Variants in INPP5F observed in about 807,000 individuals in gnomAD.
The protein encoded by INPP5F is phosphatidylinositide 4-phosphatase SAC2.
In INPP5F, 97 loss-of-function variants were observed where a neutral mutation model predicts 137.2. The observed-to-expected ratio is 0.71, with a 90% confidence interval of 0.60 to 0.84. The LOEUF (loss-of-function observed/expected upper bound fraction) is 0.84. INPP5F is among the 40% of genes least tolerant of loss of function. INPP5F has a pLI of 0.00. For missense variants in INPP5F, 1,271 were observed against 1,371.9 expected, an observed-to-expected ratio of 0.93 and a Z score of 1.16; for synonymous variants, 504 against 476.9, an observed-to-expected ratio of 1.06 and a Z score of -0.74.
intron 1 of INPP5F, among the ~76,000 whole-genome samples, chr10:119,735,559 C>T (rs939033453): frequency 2.6e-5 from 4 of 152,166 alleles, no homozygotes; most frequent in African/African-American, 9.7e-5. Flanking sequence ...TTCACAGTAT[C>T]ATTATATATT....
rs71019717 is a variant in INPP5F, at chr10:119,785,286, G to GTTTTTTTTTTTTTTTTTT, written c.315+3531_315+3532insTTTTTTTTTTTTTTTTTT. ...TAACCTTTTGTGGAACTGCCAGACT[G>GTTTTTTTTTTTTTTTTTT]TTTTTTTTTTTTTTTTGGAGACGGA... is the stretch of plus-strand genomic sequence containing the variant. On this transcript the variant is annotated intron_variant, in intron 3 of 19. Coordinates refer to ENST00000650623, the MANE Select transcript of INPP5F (RefSeq NM_014937.4). 1.8e-3 allele frequency among the ~76,000 whole-genome samples: 193 copies of GTTTTTTTTTTTTTTTTTT among 106,206 alleles called. 14 individuals are homozygous for GTTTTTTTTTTTTTTTTTT. Among genetic ancestry groups the GTTTTTTTTTTTTTTTTTT allele is most frequent in the Non-Finnish European group, 2.2e-3 (119 of 53,662 alleles). 69.7% of individuals were successfully genotyped at this position (106,206 alleles called of 152,430 possible). A position where few individuals can be genotyped will look rare whatever the true frequency, so the allele number is the denominator to read the frequency against.
chr10:119,781,349 T>G (rs779908139), intron 2 of INPP5F, among the ~76,000 whole-genome samples: 4 of 152,226 alleles, frequency 2.6e-5, no homozygotes, highest in Non-Finnish European at 5.9e-5. Flanking sequence ...TTTCTCACAG[T>G]CTCGCCAGCA....
At position 119,826,848 on chromosome 10, in the gene INPP5F, A is replaced by G; in HGVS notation, c.2467A>G (p.Asn823Asp). ...CTTTCTAAAACCAAACTTAAAAGTA[A>G]ATCTTTGGAAATCAGATAGTAGTCT... ...VNFLKPNLKV[N>D]LWKSDSSLET... The change falls in exon 20 of 20, where the codon AAT (asparagine) becomes GAT (aspartate). Residue 823 changes from asparagine to aspartate, a missense_variant. Asn to Asp is a conservative substitution (Grantham distance 23). Coordinates refer to ENST00000650623, the MANE Select transcript of INPP5F (RefSeq NM_014937.4). 2 of 1,613,860 alleles carry G rather than the reference A, an allele frequency of 1.2e-6. No homozygotes were observed. Among genetic ancestry groups the G allele is most frequent in the Non-Finnish European group, 1.7e-6 (2 of 1,179,900 alleles).
chr10:119,812,882 A>T (rs17099313), intron 15 of INPP5F, among the ~76,000 whole-genome samples: 7,623 of 151,734 alleles, frequency 0.05, 317 homozygotes, highest in South Asian at 0.26. Context: ...CTTCACTTGT[A>T]TTTTTAGTGG....
intron 1 of INPP5F, among the ~76,000 whole-genome samples, chr10:119,744,070 G>A (rs188809034): frequency 1.3e-5 from 2 of 152,254 alleles, no homozygotes; most frequent in African/African-American, 4.8e-5. Context: ...AGAAACAAAA[G>A]TTTCATTAAA....
intron 1 of INPP5F, among the ~76,000 whole-genome samples, chr10:119,749,492 T>G (rs1302142551): frequency 1.3e-5 from 2 of 152,224 alleles, no homozygotes; most frequent in Admixed American, 6.5e-5. Flanking sequence ...TTTCTTTGAT[T>G]TTATAGTACA....
In INPP5F at chr10:119,805,475, A is replaced by G. The variant is rs372866690; in HGVS notation, c.1319+14A>G. ...GAAGTGGTGTTGGTAAGTATTTTAC[A>G]AGAACTCCTTTTTACAGACTCTGGG... On this transcript the variant is annotated intron_variant, in intron 11 of 19. Coordinates refer to ENST00000650623, the MANE Select transcript of INPP5F (RefSeq NM_014937.4). 303 of 1,551,698 alleles carry G rather than the reference A, an allele frequency of 2.0e-4. No homozygotes were observed. In the African/African-American group the frequency reaches 3.7e-3, roughly 19 times the overall value.
At chr10:119,772,417 CTCTT>C (rs781664306) in intron 2 of INPP5F, among the ~76,000 whole-genome samples, 51 of 152,124 alleles carry the variant, frequency 3.4e-4, no homozygotes, top group Admixed American at 2.3e-3. Flanking sequence ...ATTGATACAG[CTCTT>C]TCTATTTCGT....
intron 17 of INPP5F, among the ~76,000 whole-genome samples, chr10:119,822,734 A>G (rs1851613711): frequency 6.6e-6 from 1 of 152,238 alleles, no homozygotes; most frequent in African/African-American, 2.4e-5. Flanking sequence ...GACCAGTATA[A>G]CATCTGTTAG....
intron 2 of INPP5F, among the ~76,000 whole-genome samples, chr10:119,764,464 C>G (rs1374349006): frequency 6.6e-6 from 1 of 152,178 alleles, no homozygotes; most frequent in Non-Finnish European, 1.5e-5. Flanking sequence ...TCAAGACCAA[C>G]CCGTTCTCAT....
At chr10:119,757,716 G>A (rs1413772953) in intron 2 of INPP5F, among the ~76,000 whole-genome samples, 1 of 151,978 alleles carries the variant, frequency 6.6e-6, no homozygotes, top group African/African-American at 2.4e-5. Flanking sequence ...GCTTGAACCC[G>A]GGAGGTGGAT....
chr10:119,749,091 C>A (rs196191), intron 1 of INPP5F, among the ~76,000 whole-genome samples: 142,233 of 152,302 alleles, frequency 0.93, 66,514 homozygotes, highest in East Asian at 0.97. Flanking sequence ...TCCCCAGGCT[C>A]GGCCACAACT....
intron 2 of INPP5F, among the ~76,000 whole-genome samples, chr10:119,757,851 T>C (rs1434225599): frequency 6.6e-6 from 1 of 152,304 alleles, no homozygotes; most frequent in Non-Finnish European, 1.5e-5. Flanking sequence ...AATTTTTTCT[T>C]TTTCTTTTTT....
intron 2 of INPP5F, among the ~76,000 whole-genome samples, chr10:119,761,530 T>C (rs1367350437): frequency 6.6e-6 from 1 of 152,106 alleles, no homozygotes; most frequent in African/African-American, 2.4e-5. Flanking sequence ...TAATCAGGGA[T>C]ATATGGTGCT....
chr10:119,726,387 A>C, intron 1 of INPP5F, 28 bp downstream of exon 1: 1 of 1,241,488 alleles, frequency 8.1e-7, no homozygotes, highest in Non-Finnish European at 1.0e-6. Context: ...GGCGGGGGGC[A>C]CCCCGGGCCA....
intron 3 of INPP5F, among the ~76,000 whole-genome samples, chr10:119,786,821 G>T (rs1289151672): frequency 6.6e-6 from 1 of 152,084 alleles, no homozygotes; most frequent in African/African-American, 2.4e-5. Flanking sequence ...CACCTGGCCA[G>T]TAATTTTAGA....
At position 119,805,427 on chromosome 10, in the gene INPP5F, A is replaced by G. The variant is rs1239637519; in HGVS notation, c.1285A>G (p.Ile429Val). The change falls in exon 11 of 20, where the codon ATT becomes GTT. Residue 429 changes from isoleucine to valine, a missense_variant. Ile to Val is a conservative substitution (Grantham distance 29). This residue lies in a region of INPP5F where 593 missense variants were observed against 712.4 expected (regional missense o/e 0.83). Coordinates refer to ENST00000650623, the MANE Select transcript of INPP5F (RefSeq NM_014937.4). ...FENVQTLTDA[I>V]YDIILDMKWC... ...GAATGTTCAGACACTAACAGATGCC[A>G]TTTATGACATTATTCTTGATATGAA... 1 of 1,613,030 alleles carries G rather than the reference A, an allele frequency of 6.2e-7. No homozygotes were observed. The highest frequency in any genetic ancestry group is 1.7e-4 in the Middle Eastern group (1 of 6,036).
In INPP5F at chr10:119,762,070, C is replaced by T. The variant is rs1351276831; in HGVS notation, c.178+10914C>T. Reference sequence around the variant, plus strand: ...TGGCTCTCTGTTTATGTGGGTTTCTCGTTCCACGAATACTGTATTTTTCAA... The same window carrying T: ...TGGCTCTCTGTTTATGTGGGTTTCTTGTTCCACGAATACTGTATTTTTCAA... On this transcript the variant is annotated intron_variant, in intron 2 of 19. Coordinates refer to ENST00000650623, the MANE Select transcript of INPP5F (RefSeq NM_014937.4). 2.6e-5 allele frequency among the ~76,000 whole-genome samples: 4 copies of T among 152,234 alleles called. No homozygotes were observed. In the East Asian group the frequency reaches 7.7e-4, roughly 29 times the overall value.
chr10:119,771,432 T>G (rs1176373407), intron 2 of INPP5F, among the ~76,000 whole-genome samples: 1 of 152,044 alleles, frequency 6.6e-6, no homozygotes, highest in African/African-American at 2.4e-5. Context: ...TACAAGTGCG[T>G]GGTTTAACAA....
Sources: gnomAD v4.1 joint callset for allele counts (sites outside exome capture counted in the v4.1 genomes callset) on GRCh38, gnomAD v4.1.1 for gene constraint, gnomAD v4.1.1 regional missense constraint, MANE v1.5 for transcripts, NCBI Gene and HGNC (gene_info 2026-07-23, HGNC 2026-07-21) for gene names.